Variants in CNMD observed in about 807,000 individuals in gnomAD.
CNMD encodes the protein chondromodulin, also known as leukocyte cell-derived chemotaxin 1.
A neutral mutation model predicts 37.5 loss-of-function variants in CNMD; 30 were observed. The observed-to-expected ratio is 0.80, with a 90% CI of 0.60 to 1.09. The LOEUF (loss-of-function observed/expected upper bound fraction) is 1.09. Among genes scored for constraint, CNMD ranks in the 50% least tolerant of loss-of-function variants. The probability of loss-of-function intolerance (pLI) is 0.00; values close to 1 mark genes in which losing one functional copy is unlikely to be tolerated. For missense variants in CNMD, 398 were observed against 423.9 expected (o/e 0.94, Z 0.54); for synonymous variants, 167 against 148.2 (o/e 1.13, Z -0.92).
chr13:52,711,450 C>A (rs774109675), intron 5 of CNMD, among the ~76,000 whole-genome samples: 1 of 152,184 alleles, frequency 6.6e-6, no homozygotes, highest in Non-Finnish European at 1.5e-5. Context: ...CTCCTGCCCC[C>A]TTCAGCCAGC....
chr13:52,739,034 A>G lies in CNMD; in HGVS notation c.210T>C (p.Ser70=). The G allele has an allele frequency of 6.3e-7, 1 of 1,576,680 alleles. No individual in the cohort carries two copies. Among genetic ancestry groups the G allele is most frequent in the Non-Finnish European group, 8.6e-7 (1 of 1,165,088 alleles). Residue 70 remains serine (S), a synonymous_variant, in exon 2 of 7, where the codon AGT becomes AGC. Coordinates refer to ENST00000377962, the MANE Select transcript of CNMD (RefSeq NM_007015.3). This position sits in a 1 kb window ranked among gnomAD's most constrained non-coding sequence, Gnocchi z 5.4. Reference sequence around the variant, plus strand: ...GCGCGCCGCCCTCTGGACTTACGTGACTGTCGCTCCCCTTCCAGAAGTAGA... The same window carrying G: ...GCGCGCCGCCCTCTGGACTTACGTGGCTGTCGCTCCCCTTCCAGAAGTAGA... ...GAFYFWKGSD[S]HIYNVHYTMS... is the part of the protein sequence containing the mutation.
At chr13:52,730,258 T>C (rs1964642591) in intron 3 of CNMD, among the ~76,000 whole-genome samples, 1 of 152,044 alleles carries the variant, frequency 6.6e-6, no homozygotes, top group Non-Finnish European at 1.5e-5. Flanking sequence ...GTCTTTGCTA[T>C]CGTGAATAGT....
intron 3 of CNMD, among the ~76,000 whole-genome samples, chr13:52,724,769 C>T (rs758996752): frequency 1.3e-4 from 19 of 152,000 alleles, no homozygotes; most frequent in Non-Finnish European, 2.5e-4. Context: ...TGGTAGCGGG[C>T]TCCTGTAATC....
At position 52,730,219 on chromosome 13, in the gene CNMD, T is replaced by A. The variant is rs558650126; in HGVS notation, c.354+3000A>T. ...TGCCACATTTTCTTAATCCAGTCTA[T>A]CATTGTTGGACATTTGGGTTGGTTC... On this transcript the variant is annotated intron_variant, in intron 3 of 6. Transcript: ENST00000377962. Among the ~76,000 whole-genome samples, 7 of 152,174 alleles carry A rather than the reference T, an allele frequency of 4.6e-5. No homozygotes were observed. In the South Asian group the frequency reaches 1.5e-3, roughly 32 times the overall value.
At chr13:52,732,473 A>C (rs1964689003) in intron 3 of CNMD, among the ~76,000 whole-genome samples, 1 of 152,256 alleles carries the variant, frequency 6.6e-6, no homozygotes, top group Non-Finnish European at 1.5e-5. Flanking sequence ...AAATCAAAAC[A>C]AAACAGTCTC....
At position 52,703,302 on chromosome 13, in the gene CNMD, T is replaced by A. The variant is rs757979532; in HGVS notation, c.*293A>T. The stretch of plus-strand genomic sequence containing the variant: ...GTAAATTTTCATGTTTATTTCAAAA[T>A]AGCTTTGGAAGATACAAGCAAGGGA... On this transcript the variant is annotated 3_prime_UTR_variant, in exon 7 of 7. Coordinates refer to ENST00000377962, the MANE Select transcript of CNMD (RefSeq NM_007015.3). The A allele has an allele frequency of 1.1e-5, 3 of 263,944 alleles. No individual in the cohort carries two copies. Among genetic ancestry groups the A allele is most frequent in the Non-Finnish European group, 2.1e-5 (3 of 140,014 alleles). 16.4% of individuals were successfully genotyped at this position (263,944 alleles called of 1,614,324 possible).
At chr13:52,723,921 A>G (rs1190591564) in intron 4 of CNMD, 76 bp downstream of exon 4, 18 of 948,082 alleles carry the variant, frequency 1.9e-5, no homozygotes, top group East Asian at 1.5e-4. Flanking sequence ...AAAACAAAAA[A>G]TAAAAACCAA....
chr13:52,725,731 T>C (rs942098304), intron 3 of CNMD, among the ~76,000 whole-genome samples: 2 of 152,262 alleles, frequency 1.3e-5, no homozygotes, highest in South Asian at 2.1e-4. Context: ...TTGAGGCAAG[T>C]GTTGGAATGA....
intron 4 of CNMD, 114 bp downstream of exon 4, chr13:52,723,883 A>C (rs1964523387): frequency 5.7e-6 from 4 of 698,498 alleles, no homozygotes; most frequent in Middle Eastern, 6.4e-4. Context: ...CTCCAGAGTG[A>C]GACTCTGTCT....
chr13:52,729,133 A>G (rs533921337), intron 3 of CNMD, among the ~76,000 whole-genome samples: 1 of 152,220 alleles, frequency 6.6e-6, no homozygotes, highest in Non-Finnish European at 1.5e-5. Flanking sequence ...AAGGTATCTC[A>G]TCTATTTCTA....
In CNMD at chr13:52,707,758, T is replaced by C. The variant is rs79682668; in HGVS notation, c.789+778A>G. Among the ~76,000 whole-genome samples, 6 of 152,238 alleles carry C rather than the reference T, an allele frequency of 3.9e-5. No homozygotes were observed. The East Asian group carries it at 9.6e-4, about 24-fold the overall frequency. On this transcript the variant is annotated intron_variant, in intron 6 of 6. Coordinates refer to ENST00000377962, the MANE Select transcript of CNMD (RefSeq NM_007015.3). ...CTGAATAATAAGGGTTACCAGCCAA[T>C]CAGGATTTTACACTACAGAGGTAAT...
intron 6 of CNMD, among the ~76,000 whole-genome samples, chr13:52,704,980 A>G (rs1566215701): frequency 6.6e-6 from 1 of 152,070 alleles, no homozygotes. Context: ...AATCTCCTGA[A>G]CCAGGAGGTG....
intron 2 of CNMD, chr13:52,733,662 C>T: frequency 2.3e-6 from 1 of 433,248 alleles, no homozygotes; most frequent in Non-Finnish European, 4.3e-6. Flanking sequence ...GGTACCATGC[C>T]TGGGTTTCAC....
chr13:52,735,974 CAT>C (rs1345856440), intron 2 of CNMD, among the ~76,000 whole-genome samples: 4 of 150,530 alleles, frequency 2.7e-5, no homozygotes, highest in Non-Finnish European at 5.9e-5. Flanking sequence ...GGACTACAGG[CAT>C]GCGCCACCAC....
At chr13:52,737,133 T>TGGTTTGACAAGTCTTTC (rs532230435) in intron 2 of CNMD, among the ~76,000 whole-genome samples, 182 of 152,340 alleles carry the variant, frequency 1.2e-3, no homozygotes, top group African/African-American at 4.2e-3. Flanking sequence ...ATAATCCATT[T>TGGTTTGACAAGTCTTTC]GGTTTGACAA....
At chr13:52,736,409 G>A (rs1259146522) in intron 2 of CNMD, among the ~76,000 whole-genome samples, 1 of 152,048 alleles carries the variant, frequency 6.6e-6, no homozygotes, top group African/African-American at 2.4e-5. Context: ...GATTACAGAC[G>A]TGAGCCACCA....
intron 4 of CNMD, 43 bp downstream of exon 4, chr13:52,723,954 G>T: frequency 8.2e-7 from 1 of 1,226,402 alleles, no homozygotes; most frequent in Non-Finnish European, 1.2e-6. Flanking sequence ...TTCAAACAAT[G>T]TTTGCCAAGC....
chr13:52,718,669 TC>T (rs2138242144), intron 4 of CNMD, among the ~76,000 whole-genome samples: 1 of 152,364 alleles, frequency 6.6e-6, no homozygotes, highest in Non-Finnish European at 1.5e-5. Flanking sequence ...AGTTTCTTAA[TC>T]CTGAGTTCTA....
intron 4 of CNMD, among the ~76,000 whole-genome samples, chr13:52,715,363 A>T (rs1040315092): frequency 4.6e-5 from 7 of 151,964 alleles, no homozygotes; most frequent in South Asian, 2.1e-4. Context: ...TAATTTTTTT[A>T]AATTATACTT....
Sources: allele counts gnomAD v4.1 joint callset (sites outside exome capture counted in the v4.1 genomes callset), GRCh38; gene constraint gnomAD v4.1.1; non-coding constraint Gnocchi (gnomAD v3.1); transcripts MANE v1.5; gene names NCBI Gene and HGNC (gene_info 2026-07-23, HGNC 2026-07-21).